The following SYN3 variants were observed in gnomAD, a reference collection of about 807,000 sequenced individuals.
SYN3 encodes the protein synapsin III, also known as synapsin-3.
SYN3 carries 35 observed loss-of-function variants against 65.8 expected under a neutral mutation model. That is an observed-to-expected ratio of 0.53 (90% confidence interval 0.41 to 0.70). The LOEUF (loss-of-function observed/expected upper bound fraction) is 0.70. Ranked by LOEUF, SYN3 falls within the 30% of genes least tolerant of loss-of-function variation. The pLI is 0.00. For synonymous variants in SYN3, 270 were observed against 292.9 expected (o/e 0.92, Z 0.80); for missense variants, 680 against 749.0 (o/e 0.91, Z 1.08).
chr22:32,802,267 C>T lies in SYN3; in HGVS notation c.711+62648G>A, dbSNP rs1032315315. 5 of 1,279,582 alleles carry T rather than the reference C, an allele frequency of 3.9e-6. No individual in the cohort carries two copies. In the African/African-American group the frequency reaches 6.1e-5, roughly 16 times the overall value. 79.3% of individuals were successfully genotyped at this position (1,279,582 alleles called of 1,614,324 possible). A position where few individuals can be genotyped will look rare whatever the true frequency, so the allele number is the denominator to read the frequency against. ...GGGGCGGAGTGGAGAAACTCGATGTCCTTGGGCGGGGGCGCTGGCATAGCT... is the reference window on the plus strand; with the variant it reads ...GGGGCGGAGTGGAGAAACTCGATGTTCTTGGGCGGGGGCGCTGGCATAGCT... On this transcript the variant is annotated intron_variant, in intron 6 of 13. Transcript: ENST00000358763.
chr22:32,639,795 C>G (rs1024291804), intron 6 of SYN3, among the ~76,000 whole-genome samples: 1 of 152,220 alleles, frequency 6.6e-6, no homozygotes, highest in South Asian at 2.1e-4. Flanking sequence ...AATCCTCCCA[C>G]CTTGGCCTCC....
chr22:32,927,090 C>T (rs1409154655), intron 4 of SYN3, among the ~76,000 whole-genome samples: 1 of 152,032 alleles, frequency 6.6e-6, no homozygotes, highest in Non-Finnish European at 1.5e-5. Flanking sequence ...GGCTATTTAC[C>T]TACCGGTATA....
At chr22:32,771,311 A>G (rs2045764350) in intron 6 of SYN3, among the ~76,000 whole-genome samples, 1 of 152,180 alleles carries the variant, frequency 6.6e-6, no homozygotes, top group Non-Finnish European at 1.5e-5. Flanking sequence ...TCCACCATGG[A>G]GATGTTAAAA....
intron 6 of SYN3, among the ~76,000 whole-genome samples, chr22:32,677,130 G>A (rs935144668): frequency 1.3e-5 from 2 of 152,162 alleles, no homozygotes; most frequent in African/African-American, 4.8e-5. Flanking sequence ...GATGGATAAC[G>A]CTGTTCCTAT....
intron 4 of SYN3, among the ~76,000 whole-genome samples, chr22:32,875,378 T>C (rs549317336): frequency 6.6e-6 from 1 of 152,318 alleles, no homozygotes; most frequent in Non-Finnish European, 1.5e-5. Flanking sequence ...CTCACAATCC[T>C]GGTATCTTTA....
chr22:33,057,192 G>T (rs961071159), intron 1 of SYN3, among the ~76,000 whole-genome samples: 2 of 152,136 alleles, frequency 1.3e-5, no homozygotes, highest in African/African-American at 4.8e-5. Context: ...TCCATCCATT[G>T]TCCCCAGAGC....
At chr22:32,790,861 C>T (rs1033580463) in intron 6 of SYN3, among the ~76,000 whole-genome samples, 4 of 152,144 alleles carry the variant, frequency 2.6e-5, no homozygotes, top group Non-Finnish European at 4.4e-5. Flanking sequence ...TTCACCATCG[C>T]AGACAAGTAA....
At chr22:32,841,789 G>A (rs2047913087) in intron 6 of SYN3, among the ~76,000 whole-genome samples, 1 of 151,962 alleles carries the variant, frequency 6.6e-6, no homozygotes, top group Non-Finnish European at 1.5e-5. Context: ...TATGGTACAT[G>A]TTTACCTTTG....
chr22:32,515,598 C>T (rs2057757309), intron 13 of SYN3, among the ~76,000 whole-genome samples: 1 of 152,192 alleles, frequency 6.6e-6, no homozygotes, highest in Non-Finnish European at 1.5e-5. Context: ...TTTGATCTAA[C>T]AATATCATGT....
chr22:32,887,127 A>C (rs1488152015), intron 4 of SYN3, among the ~76,000 whole-genome samples: 1 of 152,194 alleles, frequency 6.6e-6, no homozygotes, highest in Non-Finnish European at 1.5e-5. Flanking sequence ...TTGTAATCCC[A>C]GTACTTTGGG....
At chr22:32,710,913 A>G (rs1039643618) in intron 6 of SYN3, among the ~76,000 whole-genome samples, 1 of 152,142 alleles carries the variant, frequency 6.6e-6, no homozygotes, top group Non-Finnish European at 1.5e-5. Context: ...CACGCCCCCC[A>G]TGAAAGATCA....
At chr22:32,980,235 T>C (rs1286722639) in intron 3 of SYN3, among the ~76,000 whole-genome samples, 1 of 151,946 alleles carries the variant, frequency 6.6e-6, no homozygotes, top group Non-Finnish European at 1.5e-5. Flanking sequence ...ACCTAGAAAA[T>C]GAGAGAGGCA....
At chr22:32,867,587 T>C (rs1461432580) in intron 5 of SYN3, among the ~76,000 whole-genome samples, 1 of 151,440 alleles carries the variant, frequency 6.6e-6, no homozygotes, top group East Asian at 1.9e-4. Flanking sequence ...AGTGGAGGAG[T>C]GGTATTTTTT....
intron 6 of SYN3, among the ~76,000 whole-genome samples, chr22:32,788,526 G>A (rs755735806): frequency 8.0e-5 from 12 of 149,758 alleles, no homozygotes; most frequent in Non-Finnish European, 1.6e-4. Context: ...AGGTAACAGC[G>A]CAAGACTCCA....
chr22:32,761,280 A>C (rs2045472721), intron 6 of SYN3, among the ~76,000 whole-genome samples: 1 of 152,196 alleles, frequency 6.6e-6, no homozygotes, highest in South Asian at 2.1e-4. Flanking sequence ...GATTACCAAA[A>C]GCTCTCTTTC....
At chr22:32,591,760 C>A (rs140842101) in intron 7 of SYN3, among the ~76,000 whole-genome samples, 264 of 152,290 alleles carry the variant, frequency 1.7e-3, no homozygotes, top group Middle Eastern at 0.01. Context: ...CAACTGCGGT[C>A]CAGATACATT....
At chr22:32,567,324 C>CCCTT (rs781398566) in intron 7 of SYN3, among the ~76,000 whole-genome samples, 1 of 112,622 alleles carries the variant, frequency 8.9e-6, no homozygotes, top group African/African-American at 3.6e-5. Flanking sequence ...CGGAGATCCT[C>CCCTT]CCTCCCTCCC....
intron 2 of SYN3, among the ~76,000 whole-genome samples, chr22:33,000,623 AG>A (rs1601878493): frequency 6.6e-6 from 1 of 152,178 alleles, no homozygotes; most frequent in East Asian, 1.9e-4. Flanking sequence ...AGGGCTGAGA[AG>A]GGTAGAAAAG....
At chr22:33,017,892 T>A (rs1015343493) in intron 1 of SYN3, among the ~76,000 whole-genome samples, 1 of 151,886 alleles carries the variant, frequency 6.6e-6, no homozygotes, top group Non-Finnish European at 1.5e-5. Context: ...GAGAAGTGTA[T>A]AAGCAAAGGC....
Sources: allele counts gnomAD v4.1 joint callset (sites outside exome capture counted in the v4.1 genomes callset), GRCh38; gene constraint gnomAD v4.1.1; transcripts MANE v1.5; gene names NCBI Gene and HGNC (gene_info 2026-07-23, HGNC 2026-07-21).